Variants in LZTS1 observed in about 807,000 individuals in gnomAD.
LZTS1 encodes the protein leucine zipper tumor suppressor 1.
Under a neutral mutation model 45.8 loss-of-function variants are expected in LZTS1, and 31 were observed. The ratio of observed to expected loss-of-function variants is 0.68; its 90% CI spans 0.51 to 0.91. The LOEUF (loss-of-function observed/expected upper bound fraction) is 0.91. LZTS1 is among the 40% of genes least tolerant of loss of function. The probability of loss-of-function intolerance (pLI) is 0.00; values close to 1 mark genes in which losing one functional copy is unlikely to be tolerated. For missense variants in LZTS1, 821 were observed against 788.9 expected (o/e 1.04, Z -0.49); for synonymous variants, 359 against 357.3 (o/e 1.00, Z -0.05).
intron 1 of LZTS1, among the ~76,000 whole-genome samples, chr8:20,291,915 C>A (rs551087743): frequency 6.6e-6 from 1 of 152,174 alleles, no homozygotes; most frequent in Non-Finnish European, 1.5e-5. Context: ...CATGCCTTGT[C>A]TTTAGAACTT....
chr8:20,288,856 C>G (rs1024719835), intron 1 of LZTS1, among the ~76,000 whole-genome samples: 2 of 152,090 alleles, frequency 1.3e-5, no homozygotes, highest in East Asian at 3.9e-4. Flanking sequence ...AAGTCTTGGG[C>G]CACTACTTCC....
At chr8:20,291,121 A>G (rs1285407084) in intron 1 of LZTS1, among the ~76,000 whole-genome samples, 3 of 152,204 alleles carry the variant, frequency 2.0e-5, no homozygotes, top group Admixed American at 2.0e-4. Context: ...ATTCTACATA[A>G]CTTCATAGGC....
Position 20,249,987 on chromosome 8 carries a change from GC to G in LZTS1, c.1525del (p.Ala509ProfsTer31). ...GCCTTGCCGCTCCTCCCGCAGCTCG[GC>G]CCGCAGCCGCTCCAGCTCCCGCTGC... ...ALQRELERLR[A>X]ELREERQGHD... On this transcript the variant is annotated frameshift_variant, in exon 4 of 4. Coordinates refer to ENST00000381569, the MANE Select transcript of LZTS1 (RefSeq NM_021020.5). LOFTEE classifies it high-confidence loss of function. The G allele has an allele frequency of 1.2e-6, 2 of 1,613,496 alleles. No homozygotes were observed. Among genetic ancestry groups the G allele is most frequent in the Admixed American group, 3.3e-5 (2 of 60,024 alleles).
chr8:20,287,188 G>T (rs554661462), intron 1 of LZTS1, among the ~76,000 whole-genome samples: 2 of 140,208 alleles, frequency 1.4e-5, no homozygotes, highest in African/African-American at 3.3e-5. Flanking sequence ...GTTCGGTGCC[G>T]GTCACTTGGA....
At chr8:20,253,717 T>A in intron 2 of LZTS1, 132 bp from the exon 3 acceptor site, 1 of 626,440 alleles carries the variant, frequency 1.6e-6, no homozygotes, top group South Asian at 3.0e-5. Context: ...TCTTGGTCAA[T>A]TGTCTCAGCA....
At position 20,255,256 on chromosome 8, in the gene LZTS1, G is replaced by A; in HGVS notation, c.-75C>T. The A allele has an allele frequency of 8.6e-6, 13 of 1,517,660 alleles. No homozygotes were observed. The highest frequency in any genetic ancestry group is 1.1e-5 in the Non-Finnish European group (13 of 1,137,322). 94.0% of individuals were successfully genotyped at this position (1,517,660 alleles called of 1,614,324 possible). ...GCTGTGGCAGCAAGGGGCAGTCGTG[G>A]CTCCGTGAGGGGACTGAGGTCATAG... is the stretch of plus-strand genomic sequence containing the variant. On this transcript the variant is annotated 5_prime_UTR_variant, in exon 2 of 4. Transcript: ENST00000381569.
At chr8:20,265,881 C>A (rs1467841331) in intron 1 of LZTS1, among the ~76,000 whole-genome samples, 3 of 152,140 alleles carry the variant, frequency 2.0e-5, no homozygotes, top group African/African-American at 7.2e-5. Flanking sequence ...GCCTGCACAG[C>A]TCTTGCATCA....
chr8:20,290,877 C>T (rs984150529), intron 1 of LZTS1, among the ~76,000 whole-genome samples: 5 of 152,196 alleles, frequency 3.3e-5, no homozygotes, highest in Non-Finnish European at 5.9e-5. Flanking sequence ...CAGCCACTGC[C>T]CTTGGGGAGA....
intron 1 of LZTS1, among the ~76,000 whole-genome samples, chr8:20,294,999 G>C (rs12115039): frequency 1.0e-3 from 154 of 152,010 alleles, no homozygotes; most frequent in African/African-American, 3.5e-3. Flanking sequence ...GGGAGGCAAG[G>C]AGCCTGGGTT....
chr8:20,250,056 C>A lies in LZTS1; in HGVS notation c.1457G>T (p.Arg486Leu), dbSNP rs759562008. 6.2e-7 allele frequency: 1 copy of A among 1,607,740 alleles called. No individual in the cohort carries two copies. The highest frequency in any genetic ancestry group is 8.5e-7 in the Non-Finnish European group (1 of 1,178,966). The change falls in exon 4 of 4, where the codon CGC (arginine) becomes CTC (leucine). Residue 486 changes from arginine (R) to leucine (L), a missense_variant. Transcript: ENST00000381569. ...QELRAQAALARDMGPPTFPED... is the reference protein window; with the variant it reads ...QELRAQAALALDMGPPTFPED... ...GGGGAAGGTGGGCGGCCCCATGTCGCGGGCCAGGGCGGCCTGGGCCCGCAG... is the reference window on the plus strand; with the variant it reads ...GGGGAAGGTGGGCGGCCCCATGTCGAGGGCCAGGGCGGCCTGGGCCCGCAG...
intron 1 of LZTS1, among the ~76,000 whole-genome samples, chr8:20,294,428 C>T (rs1355478911): frequency 2.0e-5 from 3 of 152,206 alleles, no homozygotes; most frequent in Admixed American, 1.3e-4. Context: ...GGGGAGGAGC[C>T]GAAGGCAGCT....
At chr8:20,303,302 G>C (rs922607642) in intron 1 of LZTS1, among the ~76,000 whole-genome samples, 5 of 152,078 alleles carry the variant, frequency 3.3e-5, no homozygotes, top group African/African-American at 4.8e-5. Context: ...AGTTCCAGGC[G>C]GCGAAGTTCA....
At chr8:20,252,690 G>A (rs1471676681) in intron 3 of LZTS1, 92 bp downstream of exon 3, 2 of 1,246,200 alleles carry the variant, frequency 1.6e-6, no homozygotes, top group Non-Finnish European at 2.2e-6. Context: ...CGCGGTCTGT[G>A]TTTGCACGCT....
At chr8:20,292,894 T>G (rs1800923000) in intron 1 of LZTS1, among the ~76,000 whole-genome samples, 1 of 152,192 alleles carries the variant, frequency 6.6e-6, no homozygotes, top group Non-Finnish European at 1.5e-5. Flanking sequence ...TGGGCCTCTA[T>G]GTCTTCATCT....
intron 1 of LZTS1, among the ~76,000 whole-genome samples, chr8:20,264,089 T>G (rs542977577): frequency 1.3e-5 from 2 of 152,314 alleles, no homozygotes; most frequent in South Asian, 4.1e-4. Context: ...TTTGGATCAT[T>G]AAACATATTT....
chr8:20,294,995 C>T (rs1027128473), intron 1 of LZTS1, among the ~76,000 whole-genome samples: 1 of 151,864 alleles, frequency 6.6e-6, no homozygotes, highest in Non-Finnish European at 1.5e-5. Context: ...GTGTGGGAGG[C>T]AAGGAGCCTG....
intron 1 of LZTS1, among the ~76,000 whole-genome samples, chr8:20,294,810 C>G (rs537534478): frequency 6.6e-6 from 1 of 151,848 alleles, no homozygotes; most frequent in South Asian, 2.1e-4. Context: ...CCATGGGAGA[C>G]AGAGGGGAGG....
In LZTS1 at chr8:20,255,126, C is replaced by T. The variant is rs201301606; in HGVS notation, c.56G>A (p.Arg19Gln). ...SGHSFHSKHC[R>Q]ASQYKLRKSS... ...CTTGCGCAGCTTGTACTGCGAAGCC[C>T]GGCAGTGCTTGCTGTGGAAGCTGTG... Residue 19 changes from arginine to glutamine, a missense_variant, in exon 2 of 4, where the codon CGG becomes CAG. Transcript: ENST00000381569. 140 of 1,614,120 alleles carry T rather than the reference C, an allele frequency of 8.7e-5. No homozygotes were observed. The highest frequency in any genetic ancestry group is 1.2e-4 in the African/African-American group (9 of 75,030).
intron 1 of LZTS1, among the ~76,000 whole-genome samples, chr8:20,270,479 G>T (rs1800449453): frequency 6.6e-6 from 1 of 152,212 alleles, no homozygotes. Flanking sequence ...GGAAAATTAA[G>T]GGAACTTTGG....
Sources: gnomAD v4.1 joint callset for allele counts (sites outside exome capture counted in the v4.1 genomes callset) on GRCh38, gnomAD v4.1.1 for gene constraint, MANE v1.5 for transcripts, NCBI Gene and HGNC (gene_info 2026-07-23, HGNC 2026-07-21) for gene names.